The following SNAP23 variants were observed in gnomAD, a reference collection of about 807,000 sequenced individuals.
SNAP23 encodes synaptosome associated protein 23.
A neutral mutation model predicts 29.0 loss-of-function variants in SNAP23; 11 were observed. The ratio of observed to expected loss-of-function variants is 0.38; its 90% confidence interval spans 0.24 to 0.63. The LOEUF (loss-of-function observed/expected upper bound fraction) is 0.63. Among genes scored for constraint, SNAP23 ranks in the 20% least tolerant of loss-of-function variants. SNAP23 has a pLI of 0.58. For missense variants in SNAP23, 220 were observed against 253.9 expected (o/e 0.87, Z 0.91); for synonymous variants, 60 against 82.9 (o/e 0.72, Z 1.50).
At chr15:42,499,953 G>A (rs905093038) in intron 1 of SNAP23, among the ~76,000 whole-genome samples, 11 of 151,990 alleles carry the variant, frequency 7.2e-5, no homozygotes, top group African/African-American at 2.4e-4. Flanking sequence ...AGACCAGCCT[G>A]GGCAACATGC....
rs781650435 is a variant in SNAP23, at chr15:42,513,443, A to G, written c.144A>G (p.Gln48=). 3.1e-6 allele frequency: 5 copies of G among 1,612,718 alleles called. No individual in the cohort carries two copies. The African/African-American group carries it at 6.7e-5, about 22-fold the overall frequency. Residue 48 remains glutamine (Q), a synonymous_variant, in exon 4 of 8, where the codon CAA becomes CAG. Transcript: ENST00000249647. ...AGACCATCACTATGCTGGATGAACA[A>G]AAGGGTAAGTTAAATTATTAGCAGA... ...GIKTITMLDE[Q]KEQLNRIEEG... is the part of the protein sequence containing the mutation.
chr15:42,521,988 G>T, intron 5 of SNAP23: 1 of 216,030 alleles, frequency 4.6e-6, no homozygotes, highest in Non-Finnish European at 9.1e-6. Context: ...CTTTGAGACA[G>T]CTGCTGCAGT....
chr15:42,516,654 T>C (rs973345892), intron 5 of SNAP23, among the ~76,000 whole-genome samples: 1 of 152,154 alleles, frequency 6.6e-6, no homozygotes, highest in Non-Finnish European at 1.5e-5. Flanking sequence ...TTAAAGAGGT[T>C]CTTAGACATT....
upstream of SNAP23, among the ~76,000 whole-genome samples, chr15:42,494,678 G>T (rs980215987): frequency 2.6e-5 from 4 of 151,842 alleles, no homozygotes; most frequent in African/African-American, 9.7e-5. Flanking sequence ...ACCATGCCCG[G>T]CTAATTTTTT....
In SNAP23 at chr15:42,507,098, G is replaced by A. The variant is rs1028503438; in HGVS notation, c.-14-4735G>A. On this transcript the variant is annotated intron_variant, in intron 1 of 7. Transcript: ENST00000249647. ...CTCCTAAAGTACTGGGATTACAGAC[G>A]TGTGCCACCACTCCCAGCTCCAGAA... Among the ~76,000 whole-genome samples the A allele has an allele frequency of 5.3e-5, 8 of 152,220 alleles. No individual in the cohort carries two copies. The South Asian group carries it at 1.0e-3, about 20-fold the overall frequency.
At chr15:42,495,961 AAC>A (rs2057216068) in intron 1 of SNAP23, 1 of 152,110 alleles carries the variant, frequency 6.6e-6, no homozygotes, top group Admixed American at 6.6e-5. Flanking sequence ...CTCGAAATTA[AAC>A]AGAGATCACT....
intron 3 of SNAP23, 166 bp from the exon 4 acceptor site, chr15:42,513,233 G>T: frequency 1.3e-6 from 1 of 757,628 alleles, no homozygotes; most frequent in South Asian, 1.5e-5. Context: ...TTATTTTGGG[G>T]GCTGCTATGT....
intron 1 of SNAP23, among the ~76,000 whole-genome samples, chr15:42,496,149 A>G (rs1220998310): frequency 6.6e-6 from 1 of 152,176 alleles, no homozygotes; most frequent in East Asian, 1.9e-4. Context: ...GCATTACTGC[A>G]CAAATTAGAG....
At position 42,528,130 on chromosome 15, in the gene SNAP23, C is replaced by A. The variant is rs529982093; in HGVS notation, c.267-132C>A. On this transcript the variant is annotated intron_variant, in intron 5 of 7. Transcript: ENST00000249647. ...TATTGCCATGGAGCATAGTGTAGAT[C>A]ATCTAGACTTAGCTGTATGCAGCTT... 1.6e-5 allele frequency: 11 copies of A among 671,972 alleles called. No individual in the cohort carries two copies. In the South Asian group the frequency reaches 2.1e-4, roughly 13 times the overall value. 41.6% of individuals were successfully genotyped at this position (671,972 alleles called of 1,614,324 possible). A position where few individuals can be genotyped will look rare whatever the true frequency, so the allele number is the denominator to read the frequency against.
At chr15:42,511,493 A>G (rs1407698618) in intron 1 of SNAP23, among the ~76,000 whole-genome samples, 1 of 152,160 alleles carries the variant, frequency 6.6e-6, no homozygotes, top group African/African-American at 2.4e-5. Flanking sequence ...ACATTGAACA[A>G]CCAAAAATTC....
At chr15:42,491,711 T>C (rs538402510), upstream of SNAP23, 1 of 152,336 alleles carries the variant, frequency 6.6e-6, no homozygotes, top group Admixed American at 6.5e-5. Flanking sequence ...AGACATTCCA[T>C]AATACTGACT....
chr15:42,501,980 T>C (rs2057274351), intron 1 of SNAP23, among the ~76,000 whole-genome samples: 1 of 152,104 alleles, frequency 6.6e-6, no homozygotes, highest in African/African-American at 2.4e-5. Flanking sequence ...GCCACTCTTT[T>C]CTGTTGGGGG....
intron 3 of SNAP23, 98 bp downstream of exon 3, chr15:42,513,094 T>A (rs940683398): frequency 5.5e-6 from 5 of 906,646 alleles, no homozygotes; most frequent in African/African-American, 4.9e-5. Context: ...TGTATCAATA[T>A]GCTTTATTAT....
chr15:42,525,757 C>T lies in SNAP23; in HGVS notation c.267-2505C>T, dbSNP rs139505888. 1.7e-4 allele frequency among the ~76,000 whole-genome samples: 26 copies of T among 152,110 alleles called. No individual in the cohort carries two copies. In the East Asian group the frequency reaches 1.9e-3, roughly 11 times the overall value. On this transcript the variant is annotated intron_variant, in intron 5 of 7. Transcript: ENST00000249647. ...TATTACAGGTGTGAATCACCGCACC[C>T]GGCCAAGATCCAGTCATTTTAAAGA...
chr15:42,528,137 A>T lies in SNAP23; in HGVS notation c.267-125A>T, dbSNP rs181189424. On this transcript the variant is annotated intron_variant, in intron 5 of 7. Coordinates refer to ENST00000249647, the MANE Select transcript of SNAP23 (RefSeq NM_003825.4). ...ATGGAGCATAGTGTAGATCATCTAG[A>T]CTTAGCTGTATGCAGCTTTTCTACT... 9.5e-4 allele frequency: 507 copies of T among 532,248 alleles called. 4 individuals carry two copies. In the East Asian group the frequency reaches 0.013, roughly 13 times the overall value. The allele number at this position is 532,248 out of a possible 1,614,324, so 33.0% of individuals were successfully genotyped here.
rs781353945 is a variant in SNAP23 at position 42,513,323 on chromosome 15, G to A, written c.100-76G>A. On this transcript the variant is annotated intron_variant, in intron 3 of 7. Transcript: ENST00000249647. ...AGCTTGGGTTTCTAAATTATTCTGT[G>A]TTGCTCTTGTAGGTTTTGTTTCTGT... 2.3e-6 allele frequency: 3 copies of A among 1,292,590 alleles called. No individual in the cohort carries two copies. In the African/African-American group the frequency reaches 4.4e-5, roughly 19 times the overall value. The allele number at this position is 1,292,590 out of a possible 1,614,324, so 80.1% of individuals were successfully genotyped here.
chr15:42,508,222 C>T (rs931733615), intron 1 of SNAP23, among the ~76,000 whole-genome samples: 13 of 149,820 alleles, frequency 8.7e-5, no homozygotes, highest in African/African-American at 3.0e-4. Context: ...CTGATTGCAC[C>T]ACCGCTCTCC....
chr15:42,511,959 G>C (rs1201897698), intron 2 of SNAP23, 56 bp downstream of exon 2: 7 of 1,212,606 alleles, frequency 5.8e-6, no homozygotes, highest in Non-Finnish European at 5.9e-6. Context: ...CATATTGGAG[G>C]AGTGAGAGAG....
chr15:42,494,618 C>G (rs1014574112), upstream of SNAP23, among the ~76,000 whole-genome samples: 2 of 151,528 alleles, frequency 1.3e-5, no homozygotes, highest in African/African-American at 4.9e-5. Flanking sequence ...CAGGTTCAAG[C>G]GATTCTCCTG....
Sources: allele counts gnomAD v4.1 joint callset (sites outside exome capture counted in the v4.1 genomes callset), GRCh38; gene constraint gnomAD v4.1.1; transcripts MANE v1.5; gene names NCBI Gene and HGNC (gene_info 2026-07-23, HGNC 2026-07-21).